The following DZIP1 variants were observed in gnomAD, a reference collection of about 807,000 sequenced individuals.
DZIP1 encodes DAZ interacting zinc finger protein 1.
Under a neutral mutation model 107.6 loss-of-function variants are expected in DZIP1, and 97 were observed. The observed-to-expected ratio is 0.90, with a 90% confidence interval of 0.77 to 1.07. The LOEUF (loss-of-function observed/expected upper bound fraction) is 1.07. Among genes scored for constraint, DZIP1 ranks in the 50% least tolerant of loss-of-function variants. The probability of loss-of-function intolerance (pLI) is 0.00; values close to 1 mark genes in which losing one functional copy is unlikely to be tolerated. For synonymous variants in DZIP1, 390 were observed against 386.4 expected (o/e 1.01, Z -0.11); for missense variants, 1,035 against 1,063.6 (o/e 0.97, Z 0.37).
At chr13:95,632,993 C>A (rs571208657) in intron 6 of DZIP1, among the ~76,000 whole-genome samples, 2 of 152,158 alleles carry the variant, frequency 1.3e-5, no homozygotes, top group Non-Finnish European at 2.9e-5. Context: ...TGTGTCTCCT[C>A]AACCCCCTTT....
rs534838613 is a variant in DZIP1 at position 95,595,020 on chromosome 13, T to A, written c.1538-934A>T. Among the ~76,000 whole-genome samples, 10 of 152,328 alleles carry A rather than the reference T, an allele frequency of 6.6e-5. No homozygotes were observed. The South Asian group carries it at 1.2e-3, about 19-fold the overall frequency. On this transcript the variant is annotated intron_variant, in intron 15 of 22. Transcript: ENST00000376829. ...TGGCAGTTCAGACCCTTACTGACTG[T>A]CAAAAGCCTGATCTGGGAGAAATGT...
chr13:95,627,678 A>G (rs1050194933), intron 7 of DZIP1, among the ~76,000 whole-genome samples: 2 of 152,234 alleles, frequency 1.3e-5, no homozygotes, highest in Non-Finnish European at 2.9e-5. Context: ...TAAGAACATT[A>G]CTGGTGAAAA....
intron 10 of DZIP1, chr13:95,618,085 G>C (rs1405491397): frequency 3.9e-6 from 2 of 514,126 alleles, no homozygotes; most frequent in East Asian, 1.1e-4. Context: ...AGTTGTTTAG[G>C]CTGAAGATGT....
intron 14 of DZIP1, among the ~76,000 whole-genome samples, chr13:95,603,703 A>G (rs1392272968): frequency 6.6e-6 from 1 of 152,082 alleles, no homozygotes; most frequent in Non-Finnish European, 1.5e-5. Flanking sequence ...GTTTGTCCAG[A>G]AAAAAAATGC....
chr13:95,596,852 T>G (rs2044470020), intron 15 of DZIP1, among the ~76,000 whole-genome samples: 1 of 152,234 alleles, frequency 6.6e-6, no homozygotes, highest in Non-Finnish European at 1.5e-5. Flanking sequence ...GGCACTTATC[T>G]GCAAAATGTT....
Position 95,630,090 on chromosome 13 carries a change from C to A in DZIP1, c.709G>T (p.Glu237Ter). The A allele has an allele frequency of 6.2e-7, 1 of 1,611,812 alleles. No individual in the cohort carries two copies. The highest frequency in any genetic ancestry group is 1.1e-5 in the South Asian group (1 of 90,504). The change falls in exon 7 of 23, where the codon GAG becomes TAG. Residue 237 changes from glutamate to a stop codon, truncating the protein, a stop_gained. Coordinates refer to ENST00000376829, the MANE Select transcript of DZIP1 (RefSeq NM_198968.4). LOFTEE classifies it high-confidence loss of function. ...HFEYQKNAQI[E>*]KLRSEIVVLK... ...ACGACGATCTCACTCCGGAGCTTCT[C>A]AATCTGTGCATTTTTCTGATACTCT... is the stretch of plus-strand genomic sequence containing the variant.
intron 5 of DZIP1, among the ~76,000 whole-genome samples, chr13:95,637,867 C>G (rs1878007658): frequency 6.6e-6 from 1 of 152,000 alleles, no homozygotes; most frequent in Non-Finnish European, 1.5e-5. Context: ...AGTATAATAT[C>G]ATTTATAGAA....
rs1025502699 is a variant in DZIP1, at chr13:95,579,853, A to G, written c.*2381T>C. 5 of 152,216 alleles carry G rather than the reference A, an allele frequency of 3.3e-5. No individual in the cohort carries two copies. The highest frequency in any genetic ancestry group is 5.9e-5 in the Non-Finnish European group (4 of 68,038). 9.4% of individuals were successfully genotyped at this position (152,216 alleles called of 1,614,324 possible). On this transcript the variant is annotated 3_prime_UTR_variant, in exon 23 of 23. Coordinates refer to ENST00000376829, the MANE Select transcript of DZIP1 (RefSeq NM_198968.4). Reference sequence around the variant, plus strand: ...AGGCCAGTGTGGGACAGGGTTGTGTAGGTGTGCATTTCAAACACATTTATT... The same window carrying G: ...AGGCCAGTGTGGGACAGGGTTGTGTGGGTGTGCATTTCAAACACATTTATT...
rs370915963 is a variant in DZIP1, at chr13:95,611,480, G to A, written c.1328C>T (p.Thr443Ile). 1 of 1,612,890 alleles carries A rather than the reference G, an allele frequency of 6.2e-7. No individual in the cohort carries two copies. ...ACTGATACTGTTTAATGGATTACAG[G>A]TAAAGTCTTTAATCTGCAAAGAAAT... is the stretch of plus-strand genomic sequence containing the variant. Reference protein sequence around the residue: ...ITQRQQIKDFTCNPLNSISEP... With the variant: ...ITQRQQIKDFICNPLNSISEP... Residue 443 changes from threonine (T) to isoleucine (I), a missense_variant, in exon 12 of 23, where the codon ACC (threonine) becomes ATC (isoleucine). By Grantham distance (89) the Thr-to-Ile change is moderately conservative. Coordinates refer to ENST00000376829, the MANE Select transcript of DZIP1 (RefSeq NM_198968.4).
In DZIP1 at chr13:95,586,063, G is replaced by A. The variant is rs376691260; in HGVS notation, c.2292C>T (p.Val764=). 3.0e-5 allele frequency: 48 copies of A among 1,609,588 alleles called. No homozygotes were observed. The highest frequency in any genetic ancestry group is 3.7e-5 in the Non-Finnish European group (44 of 1,178,420). Residue 764 remains valine (V), a synonymous_variant, in exon 21 of 23, where the codon GTC becomes GTT. Transcript: ENST00000376829. The part of the protein sequence containing the change: ...FPHRKNVNKP[V]GGTNVPEMFI... ...ACATCTCAGGGACATTAGTTCCACC[G>A]ACTGGTTTGTTCACATTTTTGCGAT... is the stretch of plus-strand genomic sequence containing the variant.
intron 19 of DZIP1, 125 bp from the exon 20 acceptor site, chr13:95,587,854 C>CT (rs2138789530): frequency 8.1e-7 from 1 of 1,229,882 alleles, no homozygotes; most frequent in African/African-American, 1.5e-5. Flanking sequence ...GCACAAGTGC[C>CT]TTTGGGGCTA....
intron 6 of DZIP1, chr13:95,630,859 C>T (rs960564767): frequency 3.4e-5 from 22 of 651,364 alleles, no homozygotes; most frequent in Non-Finnish European, 4.1e-5. Context: ...CTCTCTGAAA[C>T]GAGTATGAGT....
In DZIP1 at chr13:95,642,018, C is replaced by G. The variant is rs905320672; in HGVS notation, c.12G>C (p.Glu4Asp). MQA[E>D]AADWFSSMPF... is the part of the protein sequence containing the mutation. ...CCATGCTTGAAAACCAATCCGCTGC[C>G]TCAGCTTGCATAGGAGGAGCCGGGC... is the stretch of plus-strand genomic sequence containing the variant. The change falls in exon 4 of 23, where the codon GAG becomes GAC. Residue 4 changes from glutamate (E) to aspartate (D), a missense_variant. Coordinates refer to ENST00000376829, the MANE Select transcript of DZIP1 (RefSeq NM_198968.4). The G allele has an allele frequency of 6.3e-7, 1 of 1,576,976 alleles. No homozygotes were observed. Among genetic ancestry groups the G allele is most frequent in the Non-Finnish European group, 8.6e-7 (1 of 1,166,882 alleles).
intron 5 of DZIP1, among the ~76,000 whole-genome samples, chr13:95,640,683 C>A (rs1298935487): frequency 1.3e-5 from 2 of 152,200 alleles, no homozygotes; most frequent in East Asian, 3.9e-4. Flanking sequence ...ATATTTTATT[C>A]TTTAAATACT....
intron 10 of DZIP1, among the ~76,000 whole-genome samples, chr13:95,613,680 T>C (rs1172106091): frequency 6.6e-6 from 1 of 152,168 alleles, no homozygotes; most frequent in African/African-American, 2.4e-5. Context: ...TTTTAGAAAA[T>C]TAACACTCAT....
In DZIP1 at chr13:95,610,111, T is replaced by TGTGTGAGA. The variant is rs368276400; in HGVS notation, c.1364-599_1364-598insTCTCACAC. Among the ~76,000 whole-genome samples the TGTGTGAGA allele has an allele frequency of 5.3e-4, 67 of 126,744 alleles. 1 individual carries two copies. Among genetic ancestry groups the TGTGTGAGA allele is most frequent in the Middle Eastern group, 4.1e-3 (1 of 244 alleles). 83.1% of individuals were successfully genotyped at this position (126,744 alleles called of 152,430 possible). A position where few individuals can be genotyped will look rare whatever the true frequency, so the allele number is the denominator to read the frequency against. ...GTGTGTGTGTGTGTGTGTGTGTGTG[T>TGTGTGAGA]GAGAGAGAGACAGAGAGAGAGAGAC... On this transcript the variant is annotated intron_variant, in intron 12 of 22. Transcript: ENST00000376829.
chr13:95,597,690 T>C (rs149625279), intron 15 of DZIP1, among the ~76,000 whole-genome samples: 1,642 of 152,286 alleles, frequency 0.011, 13 homozygotes, highest in Non-Finnish European at 0.018. Context: ...CTGCTAAATG[T>C]TGCTAAGTAG....
At chr13:95,583,188 A>C (rs748326963) in intron 22 of DZIP1, among the ~76,000 whole-genome samples, 2 of 150,962 alleles carry the variant, frequency 1.3e-5, no homozygotes, top group Non-Finnish European at 3.0e-5. Context: ...ACAGTTTGGG[A>C]GGCTGGGGTG....
At chr13:95,605,193 A>C (rs2044736317) in intron 14 of DZIP1, among the ~76,000 whole-genome samples, 1 of 152,230 alleles carries the variant, frequency 6.6e-6, no homozygotes, top group Non-Finnish European at 1.5e-5. Flanking sequence ...CATACTGACC[A>C]GTTAGATCAT....
Sources: allele counts gnomAD v4.1 joint callset (sites outside exome capture counted in the v4.1 genomes callset), GRCh38; gene constraint gnomAD v4.1.1; transcripts MANE v1.5; gene names NCBI Gene and HGNC (gene_info 2026-07-23, HGNC 2026-07-21).